Variants in SUMF1 observed in about 807,000 individuals in gnomAD.
SUMF1 encodes the protein formylglycine-generating enzyme.
Under a neutral mutation model 47.6 loss-of-function variants are expected in SUMF1, and 48 were observed. That is an observed-to-expected ratio of 1.01 (90% CI 0.80 to 1.28). SUMF1 has a LOEUF of 1.28. Ranked by LOEUF, SUMF1 falls within the 50% of genes most tolerant of loss-of-function variation. SUMF1 has a pLI of 0.00. For missense variants in SUMF1, 571 were observed against 485.4 expected, an observed-to-expected ratio of 1.18 and a Z score of -1.66; for synonymous variants, 230 against 192.1, an observed-to-expected ratio of 1.20 and a Z score of -1.63.
At chr3:4,251,422 T>G (rs1696799647) in intron 8 of SUMF1, among the ~76,000 whole-genome samples, 1 of 152,216 alleles carries the variant, frequency 6.6e-6, no homozygotes, top group Non-Finnish European at 1.5e-5. Flanking sequence ...AACAAAGGAT[T>G]TGTAATATTA....
At chr3:4,312,778 C>A in intron 8 of SUMF1, 2 of 1,140,026 alleles carry the variant, frequency 1.8e-6, no homozygotes, top group South Asian at 1.8e-5. Flanking sequence ...TGTGTTTTGA[C>A]AGTTTTGTCC....
chr3:4,245,696 C>T (rs1696651786), intron 8 of SUMF1, among the ~76,000 whole-genome samples: 1 of 152,172 alleles, frequency 6.6e-6, no homozygotes, highest in African/African-American at 2.4e-5. Context: ...ACGCAAGGGT[C>T]AGGGACCCAC....
chr3:4,345,228 A>C (rs1285125430), intron 8 of SUMF1, among the ~76,000 whole-genome samples: 2 of 152,184 alleles, frequency 1.3e-5, no homozygotes, highest in Non-Finnish European at 2.9e-5. Context: ...AAGACACATA[A>C]TCGTCAGATT....
intron 8 of SUMF1, among the ~76,000 whole-genome samples, chr3:4,091,807 A>G (rs1199237094): frequency 6.6e-6 from 1 of 151,998 alleles, no homozygotes; most frequent in East Asian, 1.9e-4. Context: ...AAGGACATAC[A>G]GCTCACAGCC....
rs1694950570 is a variant in SUMF1 at position 4,175,959 on chromosome 3, T to C, written c.1015-107214A>G. Among the ~76,000 whole-genome samples, 3 of 151,912 alleles carry C rather than the reference T, an allele frequency of 2.0e-5. No individual in the cohort carries two copies. The South Asian group carries it at 6.2e-4, about 32-fold the overall frequency. ...TATCAGTGAATGAAGATTAAATTAA[T>C]GAAATAAGCAAGAAAACAAGGTTAG... On this transcript the variant is annotated intron_variant and NMD_transcript_variant, in intron 8 of 12. Transcript: ENST00000448413.
chr3:4,307,087 C>A (rs1051717637), intron 8 of SUMF1, among the ~76,000 whole-genome samples: 1 of 152,166 alleles, frequency 6.6e-6, no homozygotes, highest in Admixed American at 6.5e-5. Flanking sequence ...AGGCCAAGTA[C>A]AAAGATTCTT....
At chr3:4,045,301 T>C (rs897467168) in intron 9 of SUMF1, among the ~76,000 whole-genome samples, 1 of 151,960 alleles carries the variant, frequency 6.6e-6, no homozygotes, top group Admixed American at 6.6e-5. Context: ...CCTAACAGCA[T>C]GCCTTACAGA....
At chr3:4,165,002 T>A (rs1304346320) in intron 8 of SUMF1, among the ~76,000 whole-genome samples, 2 of 152,038 alleles carry the variant, frequency 1.3e-5, no homozygotes, top group African/African-American at 2.4e-5. Context: ...AGAACACAGG[T>A]CAGCAGATGT....
intron 8 of SUMF1, among the ~76,000 whole-genome samples, chr3:4,163,121 G>GA (rs71802775): frequency 0.013 from 1,873 of 148,732 alleles, 44 homozygotes; most frequent in African/African-American, 0.043. Flanking sequence ...GCAGCAGCCT[G>GA]AAAAAAAAAA....
chr3:4,048,019 C>T (rs568913476), intron 9 of SUMF1, among the ~76,000 whole-genome samples: 3 of 152,222 alleles, frequency 2.0e-5, no homozygotes, highest in Admixed American at 1.3e-4. Context: ...TCCCCAAGGT[C>T]ACAGAGCTAA....
intron 7 of SUMF1, among the ~76,000 whole-genome samples, chr3:4,400,327 A>G (rs1164552047): frequency 1.3e-5 from 2 of 152,142 alleles, no homozygotes. Flanking sequence ...AAAGAAATCC[A>G]AAAAACCCGG....
At chr3:4,085,240 A>T (rs1692647357) in intron 8 of SUMF1, among the ~76,000 whole-genome samples, 2 of 152,260 alleles carry the variant, frequency 1.3e-5, no homozygotes, top group African/African-American at 2.4e-5. Context: ...GTGGCTGGGA[A>T]CAATTACTTA....
chr3:4,056,729 T>C (rs1390484634), intron 9 of SUMF1, among the ~76,000 whole-genome samples: 1 of 152,054 alleles, frequency 6.6e-6, no homozygotes, highest in Non-Finnish European at 1.5e-5. Flanking sequence ...TCTTACTATG[T>C]GATCCATAAT....
At chr3:4,287,394 T>G (rs1397092996) in intron 8 of SUMF1, among the ~76,000 whole-genome samples, 1 of 133,800 alleles carries the variant, frequency 7.5e-6, no homozygotes, top group Non-Finnish European at 1.6e-5. Flanking sequence ...AGAAGAATAA[T>G]GAACATAAAT....
chr3:4,463,299 G>A (rs1428720046), intron 1 of SUMF1, among the ~76,000 whole-genome samples: 1 of 152,162 alleles, frequency 6.6e-6, no homozygotes, highest in Non-Finnish European at 1.5e-5. Context: ...AGACAATCCT[G>A]GCCAACGTGG....
At chr3:4,312,714 A>AC (rs1038804207) in intron 8 of SUMF1, among the ~76,000 whole-genome samples, 157 of 151,708 alleles carry the variant, frequency 1.0e-3, no homozygotes, top group African/African-American at 3.6e-3. Context: ...AAAAAAAAAA[A>AC]AAAAAAACTT....
At chr3:4,298,905 A>G (rs952488822) in intron 8 of SUMF1, among the ~76,000 whole-genome samples, 2 of 152,114 alleles carry the variant, frequency 1.3e-5, no homozygotes, top group African/African-American at 4.8e-5. Context: ...TCCTATCCAC[A>G]TCTTTCTTTT....
intron 3 of SUMF1, among the ~76,000 whole-genome samples, chr3:4,421,949 C>T (rs1701913893): frequency 6.6e-6 from 1 of 152,158 alleles, no homozygotes; most frequent in Non-Finnish European, 1.5e-5. Context: ...ACTGAAAACA[C>T]CAAGCCCCAT....
intron 8 of SUMF1, among the ~76,000 whole-genome samples, chr3:4,084,867 C>T (rs888784290): frequency 6.6e-6 from 1 of 151,970 alleles, no homozygotes; most frequent in African/African-American, 2.4e-5. Flanking sequence ...GACCATTATC[C>T]CTCAGAAGTG....
Sources: allele counts gnomAD v4.1 joint callset (sites outside exome capture counted in the v4.1 genomes callset), GRCh38; gene constraint gnomAD v4.1.1; transcripts MANE v1.5; gene names NCBI Gene and HGNC (gene_info 2026-07-23, HGNC 2026-07-21).